TRMT44: variants seen among roughly 807,000 people sequenced by gnomAD.
TRMT44 encodes probable tRNA (uracil-O(2)-)-methyltransferase.
Under a neutral mutation model 77.3 loss-of-function variants are expected in TRMT44, and 78 were observed. The ratio of observed to expected loss-of-function variants is 1.01; its 90% CI spans 0.84 to 1.22. TRMT44 has a LOEUF of 1.22. TRMT44 is among the 50% of genes most tolerant of loss of function. The pLI is 0.00. For synonymous variants in TRMT44, 391 were observed against 383.3 expected (o/e 1.02, Z -0.23); for missense variants, 1,090 against 964.4 (o/e 1.13, Z -1.73).
At chr4:8,504,545 C>A in the TRMT44 span, among the ~76,000 whole-genome samples, 1 of 151,994 alleles carries the variant, frequency 6.6e-6, no homozygotes, top group African/African-American at 2.4e-5. The surrounding 1 kb of genome is among the most constrained non-coding windows in gnomAD (Gnocchi z 5.3). Context: ...GGACCTGTGC[C>A]GAGTCTGTAG....
In TRMT44 at chr4:8,450,001, C is replaced by CAAAA. The variant is rs1248649912; in HGVS notation, c.954+118_954+121dup. 3,754 of 598,060 alleles carry CAAAA rather than the reference C, an allele frequency of 6.3e-3. 14 individuals carry two copies. Among genetic ancestry groups the CAAAA allele is most frequent in the African/African-American group, 0.019 (777 of 41,126 alleles). The allele number at this position is 598,060 out of a possible 1,614,324, so 37.0% of individuals were successfully genotyped here. A position where few individuals can be genotyped will look rare whatever the true frequency, so the allele number is the denominator to read the frequency against. ...CGACAGTCTTGTTCTGTCACCCCCC[C>CAAAA]AAAAAAAAGGGCCAGAGTGAAGTGG... is the stretch of plus-strand genomic sequence containing the variant. On this transcript the variant is annotated intron_variant, in intron 3 of 10. Transcript: ENST00000389737.
intron 2 of TRMT44, among the ~76,000 whole-genome samples, chr4:8,487,505 T>G (rs1727848572): frequency 6.9e-6 from 1 of 145,766 alleles, no homozygotes; most frequent in African/African-American, 2.6e-5. Flanking sequence ...GAGGTCGGGG[T>G]GCAGAAATAA....
Position 8,453,001 on chromosome 4 carries a change from C to T in TRMT44, c.1131+12C>T. The T allele has an allele frequency of 6.9e-7, 1 of 1,446,644 alleles. No individual in the cohort carries two copies. Among genetic ancestry groups the T allele is most frequent in the Non-Finnish European group, 9.2e-7 (1 of 1,089,482 alleles). 89.6% of individuals were successfully genotyped at this position (1,446,644 alleles called of 1,614,324 possible). ...TGAGCAGTGAGGGGGTAAGGCCCGG[C>T]TCCATCACCTTTTCTGGTAACTTGT... On this transcript the variant is annotated intron_variant, in intron 5 of 10. Transcript: ENST00000389737.
downstream of TRMT44, among the ~76,000 whole-genome samples, chr4:8,496,039 A>G (rs1728140385): frequency 6.6e-6 from 1 of 152,210 alleles, no homozygotes; most frequent in Non-Finnish European, 1.5e-5. Context: ...CTTCATTTGT[A>G]TAGACTGAAG....
At chr4:8,477,210 A>G (rs1018398385), downstream of TRMT44, 3 of 152,214 alleles carry the variant, frequency 2.0e-5, no homozygotes, top group Non-Finnish European at 2.9e-5. Flanking sequence ...CGCCGCACTC[A>G]TCACACCTGA....
chr4:8,445,757 G>A (rs1271722156), intron 1 of TRMT44, among the ~76,000 whole-genome samples: 1 of 152,176 alleles, frequency 6.6e-6, no homozygotes, highest in Non-Finnish European at 1.5e-5. Context: ...GGCAGGTCTT[G>A]TTCTTTCATC....
At chr4:8,483,981 C>T (rs1727720302) in intron 2 of TRMT44, among the ~76,000 whole-genome samples, 1 of 152,068 alleles carries the variant, frequency 6.6e-6, no homozygotes, top group Admixed American at 6.5e-5. Context: ...GGGAGGGGGC[C>T]TGAATAATCC....
intron 2 of TRMT44, among the ~76,000 whole-genome samples, chr4:8,448,593 C>G (rs1171992776): frequency 6.6e-6 from 1 of 152,210 alleles, no homozygotes; most frequent in East Asian, 1.9e-4. Context: ...GCAGGGGCCA[C>G]CAAAGTTAGT....
intron 2 of TRMT44, among the ~76,000 whole-genome samples, chr4:8,447,567 C>G (rs1307318249): frequency 6.6e-6 from 1 of 152,188 alleles, no homozygotes; most frequent in Non-Finnish European, 1.5e-5. Context: ...TGCTCTACCT[C>G]CTGGCCCTCT....
chr4:8,470,986 T>C (rs1051653922), intron 9 of TRMT44, 98 bp from the exon 10 acceptor site: 2 of 785,428 alleles, frequency 2.5e-6, no homozygotes, highest in Non-Finnish European at 2.1e-6. Context: ...ATAACGCGTG[T>C]GAGTGTATGG....
intron 10 of TRMT44, among the ~76,000 whole-genome samples, chr4:8,474,128 G>T (rs1727209271): frequency 6.6e-6 from 1 of 150,400 alleles, no homozygotes; most frequent in South Asian, 2.1e-4. Context: ...CTCAGCCTTT[G>T]GCCTCAGTGA....
chr4:8,500,049 C>T, the TRMT44 span, among the ~76,000 whole-genome samples: 1 of 152,084 alleles, frequency 6.6e-6, no homozygotes, highest in African/African-American at 2.4e-5. Context: ...GGCAACATAG[C>T]AAGACCCTGT....
chr4:8,495,534 G>T (rs1728126581), downstream of TRMT44, among the ~76,000 whole-genome samples: 1 of 152,172 alleles, frequency 6.6e-6, no homozygotes, highest in Non-Finnish European at 1.5e-5. Context: ...TAAAAAAAGT[G>T]GGTCAACTAA....
At chr4:8,464,156 C>G in intron 7 of TRMT44, 65 bp downstream of exon 7, 1 of 1,364,232 alleles carries the variant, frequency 7.3e-7, no homozygotes, top group Non-Finnish European at 1.0e-6. Flanking sequence ...ACAGTGGTGT[C>G]CAAAAGGGTA....
intron 10 of TRMT44, among the ~76,000 whole-genome samples, chr4:8,474,951 C>T (rs1181011180): frequency 6.6e-6 from 1 of 152,186 alleles, no homozygotes; most frequent in East Asian, 1.9e-4. Flanking sequence ...CCCTCCAGCT[C>T]CCCAGTTTGG....
In TRMT44 at chr4:8,451,807, A is replaced by T. The variant is rs1725469507; in HGVS notation, c.955-153A>T. On this transcript the variant is annotated intron_variant, in intron 3 of 10. Coordinates refer to ENST00000389737, the MANE Select transcript of TRMT44 (RefSeq NM_152544.3). This position sits in a 1 kb window ranked among gnomAD's most constrained non-coding sequence, Gnocchi z 4.1. The stretch of plus-strand genomic sequence containing the variant: ...TTTATGTAAATCTTTTATTGTAAGA[A>T]ACCAGTTGTGAATTCCTGCCTTTGA... Among the ~76,000 whole-genome samples the T allele has an allele frequency of 6.6e-6, 1 of 152,164 alleles. No homozygotes were observed. The highest frequency in any genetic ancestry group is 6.5e-5 in the Admixed American group (1 of 15,280).
chr4:8,485,339 G>C (rs1577066531), intron 2 of TRMT44, among the ~76,000 whole-genome samples: 1 of 152,078 alleles, frequency 6.6e-6, no homozygotes, highest in Non-Finnish European at 1.5e-5. Flanking sequence ...CCACAGGGTG[G>C]ATAGGCAAAA....
At chr4:8,450,803 T>G (rs1725400658) in intron 3 of TRMT44, among the ~76,000 whole-genome samples, 1 of 147,918 alleles carries the variant, frequency 6.8e-6, no homozygotes, top group Admixed American at 6.7e-5. Context: ...TTTTTTTTTT[T>G]TTTTTTTTTT....
At chr4:8,483,018 T>G (rs1032998404) in intron 2 of TRMT44, among the ~76,000 whole-genome samples, 7 of 151,980 alleles carry the variant, frequency 4.6e-5, no homozygotes, top group African/African-American at 1.5e-4. Context: ...GAAGGATGAT[T>G]TCGTGGTAAG....
Sources: allele counts gnomAD v4.1 joint callset (sites outside exome capture counted in the v4.1 genomes callset), GRCh38; gene constraint gnomAD v4.1.1; non-coding constraint Gnocchi (gnomAD v3.1); transcripts MANE v1.5; gene names NCBI Gene and HGNC (gene_info 2026-07-23, HGNC 2026-07-21).